ADAMTSL2: variants seen among roughly 807,000 people sequenced by gnomAD.
ADAMTSL2 encodes ADAMTS like 2.
A neutral mutation model predicts 117.0 loss-of-function variants in ADAMTSL2; 55 were observed. That is an observed-to-expected ratio of 0.47 (90% confidence interval 0.38 to 0.59). The LOEUF is 0.59. ADAMTSL2 is among the 20% of genes least tolerant of loss of function. The probability of loss-of-function intolerance (pLI) is 0.00; values close to 1 mark genes in which losing one functional copy is unlikely to be tolerated. For synonymous variants in ADAMTSL2, 572 were observed against 566.4 expected, an observed-to-expected ratio of 1.01 and a Z score of -0.14; for missense variants, 1,182 against 1,354.5, an observed-to-expected ratio of 0.87 and a Z score of 2.00.
At chr9:133,556,022 C>T (rs1448511637) in intron 11 of ADAMTSL2, 92 bp downstream of exon 11, 2 of 1,518,466 alleles carry the variant, frequency 1.3e-6, no homozygotes, top group Admixed American at 1.9e-5. Flanking sequence ...CTGGGGGGGT[C>T]TGGCCAGAAG....
chr9:133,554,321 TAAG>T lies in ADAMTSL2; in HGVS notation c.940-35_940-33del. 1 of 1,514,992 alleles carries T rather than the reference TAAG, an allele frequency of 6.6e-7. No individual in the cohort carries two copies. Among genetic ancestry groups the T allele is most frequent in the Non-Finnish European group, 8.9e-7 (1 of 1,129,066 alleles). The allele number at this position is 1,514,992 out of a possible 1,614,324, so 93.8% of individuals were successfully genotyped here. ...TTGGTGGGGAAGGGGCTGGACAGAG[TAAG>T]GAGGGGCTGGGGACCCACTTCTCTT... On this transcript the variant is annotated intron_variant, in intron 9 of 18. Transcript: ENST00000651351. This position sits in a 1 kb window ranked among gnomAD's most constrained non-coding sequence, Gnocchi z 5.2.
intron 7 of ADAMTSL2, among the ~76,000 whole-genome samples, chr9:133,541,238 TG>T (rs1830216059): frequency 1.3e-5 from 2 of 151,740 alleles, no homozygotes; most frequent in African/African-American, 4.8e-5. Context: ...ACACTTGGCT[TG>T]GGGGTCACAT....
chr9:133,570,123 G>T (rs921593528), intron 16 of ADAMTSL2, among the ~76,000 whole-genome samples: 3 of 152,274 alleles, frequency 2.0e-5, no homozygotes, highest in African/African-American at 7.2e-5. Context: ...TTTCAAAACA[G>T]ATGGTTATGT....
intron 7 of ADAMTSL2, among the ~76,000 whole-genome samples, chr9:133,543,120 T>C (rs1025565555): frequency 2.7e-5 from 4 of 146,638 alleles, no homozygotes; most frequent in African/African-American, 7.3e-5. Flanking sequence ...AGCTAAATTT[T>C]TTTTGCATTT....
In ADAMTSL2 at chr9:133,536,696, T is replaced by C. The variant is rs1343022643; in HGVS notation, c.-17T>C. On this transcript the variant is annotated 5_prime_UTR_variant, in exon 2 of 19. Coordinates refer to ENST00000651351, the MANE Select transcript of ADAMTSL2 (RefSeq NM_014694.4). Reference sequence around the variant, plus strand: ...ATCGGAGCTGGCCTGGTGGTGACAGTGGCCTTGCTTCCTAGGATGGATGGC... The same window carrying C: ...ATCGGAGCTGGCCTGGTGGTGACAGCGGCCTTGCTTCCTAGGATGGATGGC... 1.2e-6 allele frequency: 2 copies of C among 1,614,178 alleles called. No homozygotes were observed. Among genetic ancestry groups the C allele is most frequent in the Non-Finnish European group, 1.7e-6 (2 of 1,180,024 alleles).
chr9:133,535,611 C>G (rs1250190547), intron 1 of ADAMTSL2, among the ~76,000 whole-genome samples: 2 of 152,156 alleles, frequency 1.3e-5, no homozygotes, highest in Admixed American at 1.3e-4. Flanking sequence ...CCTTCTTCCC[C>G]TGGAATTGGC....
intron 12 of ADAMTSL2, among the ~76,000 whole-genome samples, chr9:133,564,074 AAGGGAGAGAGAGAGAG>A (rs1225290952): frequency 1.9e-4 from 2 of 10,276 alleles, no homozygotes; most frequent in Non-Finnish European, 1.8e-4. Flanking sequence ...GACAGAGAGA[AAGGGAGAGAGAGAGAG>A]AGGGAGAGAG....
intron 11 of ADAMTSL2, among the ~76,000 whole-genome samples, chr9:133,556,258 C>T (rs1415228458): frequency 3.9e-5 from 6 of 152,236 alleles, no homozygotes. Context: ...GAGCCAGGGA[C>T]AGAGCTCAGC....
Position 133,555,637 on chromosome 9 carries a change from C to A in ADAMTSL2, c.1356C>A (p.Phe452Leu), listed in dbSNP as rs953055022. 28 of 1,613,264 alleles carry A rather than the reference C, an allele frequency of 1.7e-5. No individual in the cohort carries two copies. The African/African-American group carries it at 2.9e-4, about 17-fold the overall frequency. ...EVDTHFASQE[F>L]FSANAISDQL... ...ACACCCACTTCGCCTCCCAGGAGTT[C>A]TTCTCGGCTAACGCCATCTCTGACC... is the stretch of plus-strand genomic sequence containing the variant. The change falls in exon 11 of 19, where the codon TTC (phenylalanine) becomes TTA (leucine). Residue 452 changes from phenylalanine to leucine, a missense_variant. By Grantham distance (22) the Phe-to-Leu change is conservative (BLOSUM62 0). Transcript: ENST00000651351.
At chr9:133,546,926 A>G (rs1200968631) in intron 8 of ADAMTSL2, 112 bp from the exon 9 acceptor site, 6 of 1,135,054 alleles carry the variant, frequency 5.3e-6, no homozygotes, top group Non-Finnish European at 8.0e-6. Flanking sequence ...TCTCGGGAGC[A>G]TTTGAGCCGG....
At chr9:133,574,158 C>T (rs1416887505) in intron 18 of ADAMTSL2, among the ~76,000 whole-genome samples, 171 bp downstream of exon 18, 1 of 152,150 alleles carries the variant, frequency 6.6e-6, no homozygotes, top group Non-Finnish European at 1.5e-5. Flanking sequence ...ATGGCCGAGC[C>T]CCACTGGGAG....
rs1230895515 is a variant in ADAMTSL2 at position 133,570,316 on chromosome 9, C to T, written c.2416-15C>T. ...GGGCCCTGGCGCTGACCCGCTCCCT[C>T]TGCCCCGGCCTCAGTGCAACACCAC... is the stretch of plus-strand genomic sequence containing the variant. On this transcript the variant is annotated splice_polypyrimidine_tract_variant and intron_variant, in intron 16 of 18. Transcript: ENST00000651351. The T allele has an allele frequency of 1.3e-6, 2 of 1,540,406 alleles. No homozygotes were observed. The highest frequency in any genetic ancestry group is 1.7e-6 in the Non-Finnish European group (2 of 1,146,500).
intron 12 of ADAMTSL2, among the ~76,000 whole-genome samples, chr9:133,562,015 C>T (rs990290844): frequency 1.3e-5 from 2 of 152,226 alleles, no homozygotes; most frequent in East Asian, 1.9e-4. Flanking sequence ...ACCCCAGTGC[C>T]GGCTGTGAGG....
chr9:133,536,801 C>T lies in ADAMTSL2; in HGVS notation c.89C>T (p.Thr30Met), dbSNP rs762657949. ...VAGDTVSTGSTDNSPTSNSLE... is the reference protein window; with the variant it reads ...VAGDTVSTGSMDNSPTSNSLE... ...GGGGACACAGTGTCAACCGGGTCCA[C>T]GGTGAGTGGGGTGTTGTGGTCTGAG... is the stretch of plus-strand genomic sequence containing the variant. Residue 30 changes from threonine to methionine, a missense_variant and splice_region_variant, in exon 2 of 19, where the codon ACG becomes ATG. Transcript: ENST00000651351. The T allele has an allele frequency of 1.9e-5, 31 of 1,614,038 alleles. No individual in the cohort carries two copies. Among genetic ancestry groups the T allele is most frequent in the Middle Eastern group, 1.6e-4 (1 of 6,078 alleles).
chr9:133,540,282 G>C (rs117608058), intron 5 of ADAMTSL2, among the ~76,000 whole-genome samples: 1 of 152,204 alleles, frequency 6.6e-6, no homozygotes, highest in Admixed American at 6.5e-5. Context: ...AAGGGCCAGG[G>C]CTGGGGTGCC....
intron 7 of ADAMTSL2, among the ~76,000 whole-genome samples, chr9:133,543,208 C>T (rs1830266663): frequency 6.6e-6 from 1 of 152,152 alleles, no homozygotes; most frequent in Non-Finnish European, 1.5e-5. Flanking sequence ...CCGCCTCGGC[C>T]TCCCAAAGTG....
intron 9 of ADAMTSL2, among the ~76,000 whole-genome samples, chr9:133,550,265 A>G (rs1830452267): frequency 6.6e-6 from 1 of 152,240 alleles, no homozygotes; most frequent in East Asian, 1.9e-4. Context: ...CCTTTGATTT[A>G]TGTGGGTGGT....
chr9:133,557,246 C>G lies in ADAMTSL2; in HGVS notation c.1649+1316C>G, dbSNP rs941721035. Among the ~76,000 whole-genome samples, 33 of 152,296 alleles carry G rather than the reference C, an allele frequency of 2.2e-4. No individual in the cohort carries two copies. The highest frequency in any genetic ancestry group is 3.9e-4 in the Admixed American group (6 of 15,300). On this transcript the variant is annotated intron_variant, in intron 11 of 18. Transcript: ENST00000651351. The surrounding 1 kb of genome is among the most constrained non-coding windows in gnomAD (Gnocchi z 5.2). ...CAGGAGCCCCAGGGGATGCCTGCCG[C>G]TTTTCTCAAACTGTTTTCTGAGGCC...
At chr9:133,561,977 C>T (rs964225336) in intron 12 of ADAMTSL2, among the ~76,000 whole-genome samples, 71 of 152,262 alleles carry the variant, frequency 4.7e-4, no homozygotes, top group African/African-American at 6.3e-4. Flanking sequence ...GATACAGGGC[C>T]GTTGATGGGA....
Sources: gnomAD v4.1 joint callset for allele counts (sites outside exome capture counted in the v4.1 genomes callset) on GRCh38, gnomAD v4.1.1 for gene constraint, Gnocchi (gnomAD v3.1) non-coding constraint, MANE v1.5 for transcripts, NCBI Gene and HGNC (gene_info 2026-07-23, HGNC 2026-07-21) for gene names.